The following A2ML1 variants were observed in gnomAD, a reference collection of about 807,000 sequenced individuals.
A2ML1 encodes the protein alpha-2-macroglobulin like 1.
In A2ML1, 161 loss-of-function variants were observed where a neutral mutation model predicts 181.9. The observed-to-expected ratio is 0.89, with a 90% confidence interval of 0.78 to 1.01. The LOEUF is 1.01. Ranked by LOEUF, A2ML1 falls within the 50% of genes least tolerant of loss-of-function variation. The probability of loss-of-function intolerance (pLI) is 0.00; values close to 1 mark genes in which losing one functional copy is unlikely to be tolerated. For synonymous variants in A2ML1, 663 were observed against 666.8 expected (o/e 0.99, Z 0.09); for missense variants, 1,670 against 1,768.1 (o/e 0.94, Z 1.00).
At chr12:8,848,460 G>A (rs748453568) in intron 15 of A2ML1, among the ~76,000 whole-genome samples, 6 of 151,490 alleles carry the variant, frequency 4.0e-5, no homozygotes, top group Non-Finnish European at 7.4e-5. Flanking sequence ...CAATCTGGGC[G>A]ACAGAGCAAG....
intron 5 of A2ML1, 51 bp from the exon 6 acceptor site, chr12:8,835,456 A>G: frequency 1.2e-6 from 2 of 1,607,334 alleles, no homozygotes; most frequent in East Asian, 4.5e-5. Context: ...TTTGCAATGC[A>G]GAGTGGGAAG....
chr12:8,882,527 A>G (rs759414327), intron 7 of A2ML1, among the ~76,000 whole-genome samples: 5 of 152,330 alleles, frequency 3.3e-5, no homozygotes, highest in Non-Finnish European at 5.9e-5. Flanking sequence ...AGACTGTTGC[A>G]AAAACCCAGT....
Position 8,846,130 on chromosome 12 carries a change from G to A in A2ML1, c.1591G>A (p.Asp531Asn), listed in dbSNP as rs1943676438. The A allele has an allele frequency of 6.2e-7, 1 of 1,614,152 alleles. No individual in the cohort carries two copies. Among genetic ancestry groups the A allele is most frequent in the African/African-American group, 1.3e-5 (1 of 75,044 alleles). Reference sequence around the variant, plus strand: ...GACCTTCACTTCGAGACTGGCCCCTGATCCTTCCCTGGTGATCTATGCCAT... The same window carrying A: ...GACCTTCACTTCGAGACTGGCCCCTAATCCTTCCCTGGTGATCTATGCCAT... ...SLTFTSRLAP[D>N]PSLVIYAIFP... The change falls in exon 14 of 36, where the codon GAT (aspartate) becomes AAT (asparagine). Residue 531 changes from aspartate to asparagine, a missense_variant. Physicochemically the swap from Asp to Asn is conservative, Grantham distance 23 (BLOSUM62 1). Coordinates refer to ENST00000299698, the MANE Select transcript of A2ML1 (RefSeq NM_144670.6).
At chr12:8,843,058 G>A in intron 11 of A2ML1, 76 bp from the exon 12 acceptor site, 1 of 1,342,156 alleles carries the variant, frequency 7.5e-7, no homozygotes, top group Non-Finnish European at 1.1e-6. Flanking sequence ...AGCTCTATTT[G>A]AAAACCGTAA....
chr12:8,867,956 A>C lies in A2ML1; in HGVS notation c.3832A>C (p.Ile1278Leu), dbSNP rs1944476460. ...STENFQRTFN[I>L]QSVNRLVFQQ... Reference sequence around the variant, plus strand: ...TGAGAATTTCCAGCGCACATTCAACATACAGTCAGTTAACAGATTGGTATT... The same window carrying C: ...TGAGAATTTCCAGCGCACATTCAACCTACAGTCAGTTAACAGATTGGTATT... Residue 1278 changes from isoleucine to leucine, a missense_variant, in exon 30 of 36, where the codon ATA becomes CTA. Physicochemically the swap from Ile to Leu is conservative, Grantham distance 5. Coordinates refer to ENST00000299698, the MANE Select transcript of A2ML1 (RefSeq NM_144670.6). 1 of 1,614,134 alleles carries C rather than the reference A, an allele frequency of 6.2e-7. No individual in the cohort carries two copies. The highest frequency in any genetic ancestry group is 1.7e-5 in the Admixed American group (1 of 60,016).
At position 8,854,819 on chromosome 12, in the gene A2ML1, C is replaced by A. The variant is rs1944005605; in HGVS notation, c.2752C>A (p.Leu918Met). 1 of 1,613,920 alleles carries A rather than the reference C, an allele frequency of 6.2e-7. No homozygotes were observed. The highest frequency in any genetic ancestry group is 1.7e-5 in the Admixed American group (1 of 60,016). The change falls in exon 22 of 36, where the codon CTG becomes ATG. Residue 918 changes from leucine (L) to methionine (M), a missense_variant. Physicochemically the swap from Leu to Met is conservative, Grantham distance 15 (BLOSUM62 2). Coordinates refer to ENST00000299698, the MANE Select transcript of A2ML1 (RefSeq NM_144670.6). ...VLVEKTHSSL[L>M]CPKGKVASES... The stretch of plus-strand genomic sequence containing the variant: ...GGTGGAGAAGACACACAGCTCATTG[C>A]TGTGCCCAAAAGGTGGGTGGACTCA...
Position 8,849,713 on chromosome 12 carries a change from A to T in A2ML1, c.2073A>T (p.Pro691=). Residue 691 remains proline (P), a synonymous_variant, in exon 17 of 36, where the codon CCA becomes CCT. Transcript: ENST00000299698. The part of the protein sequence containing the change: ...KILSNAKIKK[P]VDCSHRSPEY... Reference sequence around the variant, plus strand: ...TGTCCAATGCCAAAATCAAGAAGCCAGTAGATTGCAGTCACAGATCTCCAG... The same window carrying T: ...TGTCCAATGCCAAAATCAAGAAGCCTGTAGATTGCAGTCACAGATCTCCAG... 1 of 1,614,224 alleles carries T rather than the reference A, an allele frequency of 6.2e-7. No individual in the cohort carries two copies. The highest frequency in any genetic ancestry group is 8.5e-7 in the Non-Finnish European group (1 of 1,180,028).
Position 8,836,272 on chromosome 12 carries a change from G to A in A2ML1, c.661G>A (p.Val221Met), listed in dbSNP as rs1401570367. ...VEEYVLPKFK[V>M]EVVEPKELST... Reference sequence around the variant, plus strand: ...CTCTTCAGTGCTGCCGAAGTTTAAGGTGGAAGTGGTGGAACCCAAGGAGTT... The same window carrying A: ...CTCTTCAGTGCTGCCGAAGTTTAAGATGGAAGTGGTGGAACCCAAGGAGTT... Residue 221 changes from valine to methionine, a missense_variant, in exon 7 of 36, where the codon GTG becomes ATG. Coordinates refer to ENST00000299698, the MANE Select transcript of A2ML1 (RefSeq NM_144670.6). 7 of 1,614,084 alleles carry A rather than the reference G, an allele frequency of 4.3e-6. 1 individual carries two copies. In the East Asian group the frequency reaches 1.6e-4, roughly 36 times the overall value.
intron 23 of A2ML1, among the ~76,000 whole-genome samples, chr12:8,856,118 T>C (rs1362562479): frequency 1.3e-5 from 2 of 152,180 alleles, no homozygotes; most frequent in Non-Finnish European, 2.9e-5. Context: ...GATAATAACC[T>C]ACCTCTCAGA....
intron 10 of A2ML1, among the ~76,000 whole-genome samples, chr12:8,840,919 AAAGAAAGGAAGG>A (rs564079094): frequency 2.0e-5 from 3 of 149,498 alleles, no homozygotes; most frequent in Non-Finnish European, 4.4e-5. Context: ...AAAAAAAAAG[AAAGAAAGGAAGG>A]AAGAAAGGAA....
Position 8,823,186 on chromosome 12 carries a change from T to C in A2ML1, c.67T>C (p.Tyr23His). 3 of 1,613,148 alleles carry C rather than the reference T, an allele frequency of 1.9e-6. No individual in the cohort carries two copies. Among genetic ancestry groups the C allele is most frequent in the Middle Eastern group, 3.3e-4 (2 of 6,056 alleles). The change falls in exon 2 of 36, where the codon TAC becomes CAC. Residue 23 changes from tyrosine to histidine, a missense_variant. Physicochemically the swap from Tyr to His is moderately conservative, Grantham distance 83. Coordinates refer to ENST00000299698, the MANE Select transcript of A2ML1 (RefSeq NM_144670.6). ...ATCCTTCTGCTCCTTTAATAGAAAC[T>C]ACCTGGTGACATTACCAGCCCGGCT... ...SPAIAEELPN[Y>H]LVTLPARLNF... is the part of the protein sequence containing the mutation.
chr12:8,824,222 G>GTTTTTTTTTTTTTTTTTTTTTT (rs34400836), intron 3 of A2ML1, among the ~76,000 whole-genome samples: 1 of 92,310 alleles, frequency 1.1e-5, no homozygotes, highest in Non-Finnish European at 2.1e-5. Context: ...AGCTACTGGG[G>GTTTTTTTTTTTTTTTTTTTTTT]TTTTTTTTTT....
intron 26 of A2ML1, among the ~76,000 whole-genome samples, chr12:8,858,614 C>T (rs1323259248): frequency 6.6e-6 from 1 of 152,062 alleles, no homozygotes; most frequent in Non-Finnish European, 1.5e-5. Flanking sequence ...TGGACTGGAA[C>T]ATGGTTCTCA....
intron 9 of A2ML1, among the ~76,000 whole-genome samples, 194 bp from the exon 10 acceptor site, chr12:8,838,914 TAAAAA>T (rs11314317): frequency 9.0e-6 from 1 of 110,700 alleles, no homozygotes; most frequent in African/African-American, 3.4e-5. Flanking sequence ...GACTCCATCT[TAAAAA>T]AAAAAAAAAA....
chr12:8,841,409 A>G lies in A2ML1; in HGVS notation c.1121A>G (p.His374Arg), dbSNP rs1297245446. The G allele has an allele frequency of 1.9e-6, 3 of 1,614,150 alleles. No homozygotes were observed. The highest frequency in any genetic ancestry group is 1.7e-5 in the Admixed American group (1 of 60,002). ...RGHDDSFLKN[H>R]LVFLVIYGTN... ...CATGATGACTCCTTCCTCAAGAACCATCTAGTGTTTCTGGTGATTTATGGC... is the reference window on the plus strand; with the variant it reads ...CATGATGACTCCTTCCTCAAGAACCGTCTAGTGTTTCTGGTGATTTATGGC... Residue 374 changes from histidine to arginine, a missense_variant, in exon 11 of 36, where the codon CAT becomes CGT. Physicochemically the swap from His to Arg is conservative, Grantham distance 29. Transcript: ENST00000299698.
chr12:8,842,580 G>A (rs759069295), intron 11 of A2ML1, among the ~76,000 whole-genome samples: 10 of 152,274 alleles, frequency 6.6e-5, no homozygotes, highest in South Asian at 4.1e-4. Flanking sequence ...GACTAGGAGG[G>A]TACTGGAAGA....
intron 7 of A2ML1, among the ~76,000 whole-genome samples, chr12:8,886,282 C>T (rs1253523869): frequency 6.6e-6 from 1 of 152,132 alleles, no homozygotes; most frequent in East Asian, 1.9e-4. Context: ...CATGCTCTAT[C>T]CCTTAAGTAT....
At position 8,850,283 on chromosome 12, in the gene A2ML1, T is replaced by C. The variant is rs757498620; in HGVS notation, c.2234+9T>C. On this transcript the variant is annotated intron_variant, in intron 18 of 35. Transcript: ENST00000299698. The stretch of plus-strand genomic sequence containing the variant: ...GATCTGTTTCCTATTGGGTAAGTGA[T>C]GACTCAAAAGTACAGTAAAGGGCCA... 6.2e-7 allele frequency: 1 copy of C among 1,603,030 alleles called. No individual in the cohort carries two copies. The highest frequency in any genetic ancestry group is 1.1e-5 in the South Asian group (1 of 89,390).
chr12:8,857,898 C>T, intron 25 of A2ML1, 48 bp from the exon 26 acceptor site: 3 of 1,598,838 alleles, frequency 1.9e-6, no homozygotes, highest in Non-Finnish European at 2.6e-6. Flanking sequence ...ATTGCACCCT[C>T]ACCTGGAAAT....
Sources: gnomAD v4.1 joint callset for allele counts (sites outside exome capture counted in the v4.1 genomes callset) on GRCh38, gnomAD v4.1.1 for gene constraint, MANE v1.5 for transcripts, NCBI Gene and HGNC (gene_info 2026-07-23, HGNC 2026-07-21) for gene names.